Variants in IL1RAPL1 observed in about 807,000 individuals in gnomAD.
The protein encoded by IL1RAPL1 is interleukin 1 receptor accessory protein like 1, also known as interleukin-1 receptor accessory protein-like 1.
In IL1RAPL1, 3 loss-of-function variants were observed where a neutral mutation model predicts 48.4. The observed-to-expected ratio is 0.06, with a 90% CI of 0.03 to 0.16. The LOEUF (loss-of-function observed/expected upper bound fraction) is 0.16, where lower values mean the gene tolerates loss of function less well. Among genes scored for constraint, IL1RAPL1 ranks in the 10% least tolerant of loss-of-function variants. The pLI, the probability that IL1RAPL1 is intolerant of heterozygous loss-of-function variation, is 1.00. For missense variants in IL1RAPL1, 349 were observed against 530.6 expected, an observed-to-expected ratio of 0.66 and a Z score of 3.36; for synonymous variants, 185 against 187.7, an observed-to-expected ratio of 0.99 and a Z score of 0.12.
intron 2 of IL1RAPL1, among the ~76,000 whole-genome samples, chrX:28,890,674 AT>A (rs950949456): frequency 4.5e-5 from 5 of 112,087 alleles, no homozygotes; most frequent in Admixed American, 9.5e-5. Flanking sequence ...TTAATAAACC[AT>A]TGGGTACTTT....
chrX:29,554,089 G>A (rs1175581810), intron 5 of IL1RAPL1, among the ~76,000 whole-genome samples: 1 of 110,748 alleles, frequency 9.0e-6, no homozygotes, highest in East Asian at 2.8e-4. Flanking sequence ...TTGTAAGCAT[G>A]ACTTCCTAGC....
chrX:29,678,342 C>CA (rs1926341169), intron 6 of IL1RAPL1, among the ~76,000 whole-genome samples: 1 of 41,724 alleles, frequency 2.4e-5, no homozygotes. Flanking sequence ...TTCAACACTA[C>CA]TTTTTTTTTT....
At chrX:28,990,629 G>T (rs1341586205) in intron 2 of IL1RAPL1, among the ~76,000 whole-genome samples, 3 of 111,515 alleles carry the variant, frequency 2.7e-5, no homozygotes, top group Non-Finnish European at 5.6e-5. Flanking sequence ...AAAGTAGGTA[G>T]GTTCTGGGGC....
chrX:29,483,930 C>T (rs1349777989), intron 5 of IL1RAPL1, among the ~76,000 whole-genome samples: 1 of 107,209 alleles, frequency 9.3e-6, no homozygotes, highest in Non-Finnish European at 1.9e-5. Context: ...TGGCCTCGAG[C>T]AATCCACCCG....
At chrX:29,043,192 C>T (rs1292271586) in intron 2 of IL1RAPL1, among the ~76,000 whole-genome samples, 1 of 111,730 alleles carries the variant, frequency 9.0e-6, no homozygotes, top group Non-Finnish European at 1.9e-5. Flanking sequence ...GAAATACTTA[C>T]ATTTCTCTAT....
intron 1 of IL1RAPL1, among the ~76,000 whole-genome samples, chrX:28,654,162 A>G (rs1209388073): frequency 7.3e-5 from 6 of 81,812 alleles, no homozygotes; most frequent in African/African-American, 2.9e-4. Context: ...CTTTTTTTCT[A>G]AATTGTTCTA....
At chrX:29,038,072 CA>C (rs375388476) in intron 2 of IL1RAPL1, among the ~76,000 whole-genome samples, 13 of 101,055 alleles carry the variant, frequency 1.3e-4, no homozygotes, top group East Asian at 3.1e-4. Context: ...AGCTGCTATG[CA>C]AAAAAAAAAA....
rs142583343 is a variant in IL1RAPL1 at position 29,804,563 on chromosome X, T to A, written c.779-112901T>A. On this transcript the variant is annotated intron_variant, in intron 6 of 10. Transcript: ENST00000378993. ...TAAATGGGAGTTCCCCTGCACAAGTTCTCTTGCTTGCTGCCCTGTAAGACA... is the reference window on the plus strand; with the variant it reads ...TAAATGGGAGTTCCCCTGCACAAGTACTCTTGCTTGCTGCCCTGTAAGACA... Among the ~76,000 whole-genome samples the A allele has an allele frequency of 8.1e-5, 9 of 111,704 alleles. No individual in the cohort carries two copies. The East Asian group carries it at 2.5e-3, about 31-fold the overall frequency.
chrX:29,583,161 A>G (rs1316124792), intron 5 of IL1RAPL1, among the ~76,000 whole-genome samples: 4 of 97,646 alleles, frequency 4.1e-5, no homozygotes, highest in Non-Finnish European at 6.1e-5. Context: ...CTGGCACAAG[A>G]CAGGGATGCC....
intron 2 of IL1RAPL1, among the ~76,000 whole-genome samples, chrX:28,817,478 C>A (rs997613993): frequency 9.0e-6 from 1 of 110,967 alleles, no homozygotes; most frequent in Non-Finnish European, 1.9e-5. Flanking sequence ...TCATGAAACA[C>A]CACTAATAGG....
intron 2 of IL1RAPL1, among the ~76,000 whole-genome samples, chrX:29,253,501 C>A (rs1931702084): frequency 9.0e-6 from 1 of 111,163 alleles, no homozygotes; most frequent in Non-Finnish European, 1.9e-5. Context: ...ATGGTCGTAA[C>A]TAACATATAT....
chrX:29,388,225 C>T (rs1005049296), intron 3 of IL1RAPL1, among the ~76,000 whole-genome samples: 2 of 108,181 alleles, frequency 1.8e-5, no homozygotes, highest in African/African-American at 6.7e-5. Context: ...GTACTAGGCA[C>T]TTAAGGAGAT....
intron 6 of IL1RAPL1, among the ~76,000 whole-genome samples, chrX:29,916,084 A>C (rs1285701910): frequency 3.0e-5 from 3 of 99,666 alleles, no homozygotes; most frequent in Non-Finnish European, 6.1e-5. Flanking sequence ...TGAACTCATC[A>C]TTTTTTATGG....
At chrX:29,261,313 A>T (rs1931855300) in intron 2 of IL1RAPL1, among the ~76,000 whole-genome samples, 1 of 111,467 alleles carries the variant, frequency 9.0e-6, no homozygotes, top group Non-Finnish European at 1.9e-5. Context: ...GATAAATAAG[A>T]TAATTTGTAG....
chrX:28,871,526 C>T (rs893952062), intron 2 of IL1RAPL1, among the ~76,000 whole-genome samples: 8 of 111,933 alleles, frequency 7.1e-5, no homozygotes, highest in African/African-American at 2.6e-4. Flanking sequence ...AACCCACCTT[C>T]ATCAGAATCT....
intron 1 of IL1RAPL1, among the ~76,000 whole-genome samples, chrX:28,753,522 C>T (rs186291667): frequency 4.5e-5 from 5 of 112,286 alleles, no homozygotes; most frequent in Non-Finnish European, 7.5e-5. Flanking sequence ...CATTTCCAAA[C>T]ATCTGATTTT....
intron 6 of IL1RAPL1, among the ~76,000 whole-genome samples, chrX:29,782,998 G>A (rs1465252971): frequency 4.3e-5 from 4 of 93,170 alleles, no homozygotes; most frequent in Non-Finnish European, 6.2e-5. Flanking sequence ...TCCGCCTCCC[G>A]GGTTCACGCC....
At chrX:28,897,266 G>T (rs1047288769) in intron 2 of IL1RAPL1, among the ~76,000 whole-genome samples, 2 of 111,627 alleles carry the variant, frequency 1.8e-5, no homozygotes, top group Non-Finnish European at 3.8e-5. Context: ...CGCTAAGGGT[G>T]AAGGACCAAG....
intron 6 of IL1RAPL1, among the ~76,000 whole-genome samples, chrX:29,810,693 A>AT (rs1227949190): frequency 9.0e-6 from 1 of 110,592 alleles, no homozygotes; most frequent in Non-Finnish European, 1.9e-5. Flanking sequence ...CCTAGTCTAT[A>AT]TTTTCCTTCT....
Sources: allele counts gnomAD v4.1 joint callset (sites outside exome capture counted in the v4.1 genomes callset), GRCh38; gene constraint gnomAD v4.1.1; transcripts MANE v1.5; gene names NCBI Gene and HGNC (gene_info 2026-07-23, HGNC 2026-07-21).